The following TASOR variants were observed in gnomAD, a reference collection of about 807,000 sequenced individuals.
The protein encoded by TASOR is protein TASOR.
In TASOR, 53 loss-of-function variants were observed where a neutral mutation model predicts 178.6. The ratio of observed to expected loss-of-function variants is 0.30; its 90% CI spans 0.24 to 0.37. The LOEUF is 0.37. Ranked by LOEUF, TASOR falls within the 10% of genes least tolerant of loss-of-function variation. The pLI is 1.00. For missense variants in TASOR, 1,815 were observed against 1,971.4 expected, an observed-to-expected ratio of 0.92 and a Z score of 1.50; for synonymous variants, 713 against 696.2, an observed-to-expected ratio of 1.02 and a Z score of -0.38.
At chr3:56,643,243 A>G (rs1282307985) in intron 14 of TASOR, among the ~76,000 whole-genome samples, 2 of 152,050 alleles carry the variant, frequency 1.3e-5, no homozygotes, top group Admixed American at 1.3e-4. Flanking sequence ...AGCCTGGAAG[A>G]CAGAGTAAGA....
At position 56,669,685 on chromosome 3, in the gene TASOR, G is replaced by GT; in HGVS notation, c.735+14dup. On this transcript the variant is annotated intron_variant, in intron 5 of 23. Transcript: ENST00000683822. ...GTGTAGTTTTTCATACATGAAGTGT[G>GT]TAAGTTTAAATTACCTTCATTATTT... 2.8e-6 allele frequency: 4 copies of GT among 1,454,436 alleles called. No homozygotes were observed. Among genetic ancestry groups the GT allele is most frequent in the Non-Finnish European group, 3.7e-6 (4 of 1,074,974 alleles). The allele number at this position is 1,454,436 out of a possible 1,614,324, so 90.1% of individuals were successfully genotyped here.
intron 21 of TASOR, among the ~76,000 whole-genome samples, chr3:56,625,550 G>A (rs2076778605): frequency 6.6e-6 from 1 of 152,194 alleles, no homozygotes; most frequent in African/African-American, 2.4e-5. Flanking sequence ...GGGAGGCTGA[G>A]GCAGAAGAAT....
Position 56,622,748 on chromosome 3 carries a change from G to A in TASOR, c.*289C>T. The A allele has an allele frequency of 4.8e-6, 1 of 209,530 alleles. No homozygotes were observed. The highest frequency in any genetic ancestry group is 5.8e-5 in the Admixed American group (1 of 17,290). The allele number at this position is 209,530 out of a possible 1,614,324, so 13.0% of individuals were successfully genotyped here. On this transcript the variant is annotated 3_prime_UTR_variant, in exon 24 of 24. Transcript: ENST00000683822. Reference sequence around the variant, plus strand: ...AGCCTTTGCTGTTTACCGTCCTCCTGCAAGCATCTGATTTTACACATAAAA... The same window carrying A: ...AGCCTTTGCTGTTTACCGTCCTCCTACAAGCATCTGATTTTACACATAAAA...
intron 1 of TASOR, 133 bp from the exon 2 acceptor site, chr3:56,673,858 C>T (rs138606941): frequency 7.0e-5 from 51 of 731,344 alleles, no homozygotes; most frequent in African/African-American, 1.5e-4. Context: ...CTTTGTGATA[C>T]GCAAAAGAGA....
At chr3:56,661,102 G>C (rs2077584115) in intron 9 of TASOR, 85 bp from the exon 10 acceptor site, 1 of 796,978 alleles carries the variant, frequency 1.3e-6, no homozygotes, top group Non-Finnish European at 2.0e-6. Context: ...AAGTACACTT[G>C]ATGGAAAATA....
intron 21 of TASOR, among the ~76,000 whole-genome samples, 165 bp from the exon 22 acceptor site, chr3:56,625,171 A>G (rs938066852): frequency 1.3e-5 from 2 of 152,174 alleles, no homozygotes; most frequent in African/African-American, 4.8e-5. Context: ...GGAAAGAAAG[A>G]AAGAAGGGAT....
chr3:56,661,320 T>G (rs1282114127), intron 9 of TASOR, among the ~76,000 whole-genome samples: 7 of 152,030 alleles, frequency 4.6e-5, no homozygotes. Flanking sequence ...GTAATTTTGG[T>G]TTTTTTGGGT....
intron 1 of TASOR, 32 bp downstream of exon 1, chr3:56,682,644 G>C: frequency 4.2e-6 from 6 of 1,432,846 alleles, no homozygotes; most frequent in Non-Finnish European, 5.5e-6. Context: ...AGGGGAGAGA[G>C]AGAGGGGGTT....
intron 11 of TASOR, among the ~76,000 whole-genome samples, chr3:56,653,695 T>G (rs2077407920): frequency 6.7e-6 from 1 of 148,452 alleles, no homozygotes; most frequent in South Asian, 2.1e-4. Context: ...GATCTTAGTC[T>G]CAACAAATTT....
At position 56,673,655 on chromosome 3, in the gene TASOR, G is replaced by A. The variant is rs1221797637; in HGVS notation, c.402C>T (p.Tyr134=). ...AATTTGTTACTGAGGTTGGTTCAAG[G>A]TAAGAAGAATGGAGAATATTTACAA... ...EDVVNILHSS[Y]LEPTSVTNFN... The change falls in exon 2 of 24, where the codon TAC becomes TAT. Residue 134 remains tyrosine (Y), a synonymous_variant. Coordinates refer to ENST00000683822, the MANE Select transcript of TASOR (RefSeq NM_001365635.2). 5 of 1,551,186 alleles carry A rather than the reference G, an allele frequency of 3.2e-6. No homozygotes were observed. The highest frequency in any genetic ancestry group is 3.9e-5 in the Admixed American group (2 of 50,950).
intron 21 of TASOR, among the ~76,000 whole-genome samples, chr3:56,625,669 T>C (rs2076781660): frequency 6.6e-6 from 1 of 151,816 alleles, no homozygotes; most frequent in South Asian, 2.1e-4. Flanking sequence ...TTAAATACAC[T>C]ATTATGGCTC....
rs1553720015 is a variant in TASOR, at chr3:56,623,032, T to A, written c.*5A>T. 2 of 1,506,326 alleles carry A rather than the reference T, an allele frequency of 1.3e-6. No homozygotes were observed. The highest frequency in any genetic ancestry group is 1.8e-6 in the Non-Finnish European group (2 of 1,129,430). 93.3% of individuals were successfully genotyped at this position (1,506,326 alleles called of 1,614,324 possible). A position where few individuals can be genotyped will look rare whatever the true frequency, so the allele number is the denominator to read the frequency against. On this transcript the variant is annotated 3_prime_UTR_variant, in exon 24 of 24. Coordinates refer to ENST00000683822, the MANE Select transcript of TASOR (RefSeq NM_001365635.2). ...AACAATCTCTTAAAAAAAAAGTTAC[T>A]ACAGTTATTTCTCTTGTGAATATGG...
At chr3:56,657,181 A>T (rs1249567863) in intron 11 of TASOR, among the ~76,000 whole-genome samples, 2 of 151,768 alleles carry the variant, frequency 1.3e-5, no homozygotes, top group African/African-American at 2.4e-5. Context: ...TACAAAAATT[A>T]GCCGAGCATG....
chr3:56,652,421 G>A (rs1159000137), intron 11 of TASOR, among the ~76,000 whole-genome samples: 1 of 152,010 alleles, frequency 6.6e-6, no homozygotes, highest in Non-Finnish European at 1.5e-5. Context: ...AGGTGTGGTG[G>A]TACGCACCTG....
chr3:56,645,350 G>A (rs1057288687), intron 14 of TASOR, among the ~76,000 whole-genome samples: 4 of 152,164 alleles, frequency 2.6e-5, no homozygotes, highest in Non-Finnish European at 5.9e-5. Context: ...GAGCAAAAGT[G>A]TAAAAAGACA....
intron 7 of TASOR, among the ~76,000 whole-genome samples, chr3:56,665,403 T>A (rs1209719008): frequency 2.6e-5 from 4 of 152,086 alleles, no homozygotes; most frequent in Non-Finnish European, 2.9e-5. Context: ...TCACCCAGGC[T>A]GTAGTGCAGT....
intron 2 of TASOR, among the ~76,000 whole-genome samples, chr3:56,673,082 A>G (rs1270059251): frequency 6.6e-6 from 1 of 152,200 alleles, no homozygotes; most frequent in African/African-American, 2.4e-5. Flanking sequence ...AAGTGCTGGG[A>G]TTACAGGCAT....
At chr3:56,675,148 A>C (rs62251233) in intron 1 of TASOR, among the ~76,000 whole-genome samples, 7,388 of 147,978 alleles carry the variant, frequency 0.05, 188 homozygotes, top group East Asian at 0.091. Context: ...TTTATCCTCC[A>C]CATCCCCAAC....
chr3:56,640,933 A>G (rs187261483), intron 15 of TASOR, among the ~76,000 whole-genome samples: 1 of 145,858 alleles, frequency 6.9e-6, no homozygotes, highest in East Asian at 1.9e-4. Context: ...CCAAGTACCT[A>G]ACTGTCACAC....
Sources: gnomAD v4.1 joint callset for allele counts (sites outside exome capture counted in the v4.1 genomes callset) on GRCh38, gnomAD v4.1.1 for gene constraint, MANE v1.5 for transcripts, NCBI Gene and HGNC (gene_info 2026-07-23, HGNC 2026-07-21) for gene names.